DPYSL3: variants seen among roughly 807,000 people sequenced by gnomAD.
The protein encoded by DPYSL3 is dihydropyrimidinase-related protein 3.
A neutral mutation model predicts 66.1 loss-of-function variants in DPYSL3; 16 were observed. That is an observed-to-expected ratio of 0.24 (90% CI 0.16 to 0.37). The LOEUF is 0.37. Ranked by LOEUF, DPYSL3 falls within the 10% of genes least tolerant of loss-of-function variation. DPYSL3 has a pLI of 1.00. For missense variants in DPYSL3, 738 were observed against 916.2 expected (o/e 0.81, Z 2.51); for synonymous variants, 338 against 345.1 (o/e 0.98, Z 0.23).
chr5:147,440,003 T>A (rs1752502879), intron 1 of DPYSL3, among the ~76,000 whole-genome samples: 1 of 152,154 alleles, frequency 6.6e-6, no homozygotes, highest in Admixed American at 6.5e-5. Flanking sequence ...ATAGTTCCCA[T>A]ATTATAACAT....
At chr5:147,399,798 T>C (rs1430805967) in intron 10 of DPYSL3, among the ~76,000 whole-genome samples, 1 of 152,228 alleles carries the variant, frequency 6.6e-6, no homozygotes, top group Non-Finnish European at 1.5e-5. Context: ...ATATATTATC[T>C]TGGAACTATT....
At chr5:147,477,773 G>T (rs1013302504) in intron 1 of DPYSL3, among the ~76,000 whole-genome samples, 1 of 150,554 alleles carries the variant, frequency 6.6e-6, no homozygotes, top group Non-Finnish European at 1.5e-5. Flanking sequence ...TAGTAGAGAC[G>T]GGGTTTCACC....
At chr5:147,430,225 G>A (rs551586077) in intron 1 of DPYSL3, among the ~76,000 whole-genome samples, 15 of 152,152 alleles carry the variant, frequency 9.9e-5, no homozygotes, top group East Asian at 1.9e-4. Flanking sequence ...GCCAGGTGTG[G>A]CGGCTCACGC....
intron 1 of DPYSL3, among the ~76,000 whole-genome samples, chr5:147,446,234 G>C (rs1752627232): frequency 6.6e-6 from 1 of 152,182 alleles, no homozygotes; most frequent in Non-Finnish European, 1.5e-5. Flanking sequence ...TGCAGAATCT[G>C]AGAGGGATAA....
intron 1 of DPYSL3, among the ~76,000 whole-genome samples, chr5:147,497,317 G>A (rs1431498208): frequency 6.6e-6 from 1 of 151,742 alleles, no homozygotes; most frequent in Non-Finnish European, 1.5e-5. Flanking sequence ...GAGTTAATGG[G>A]TGCAGCATAC....
intron 1 of DPYSL3, among the ~76,000 whole-genome samples, chr5:147,502,607 C>T (rs1260560220): frequency 1.5e-5 from 2 of 129,734 alleles, no homozygotes; most frequent in African/African-American, 3.0e-5. Flanking sequence ...GACGGAGTCT[C>T]GCTCTGTCGC....
intron 1 of DPYSL3, among the ~76,000 whole-genome samples, chr5:147,507,158 T>C (rs1175108871): frequency 6.6e-6 from 1 of 152,180 alleles, no homozygotes; most frequent in African/African-American, 2.4e-5. Context: ...TTTATTAAGC[T>C]GCTGAGAGTT....
rs778873557 is a variant in DPYSL3 at position 147,418,443 on chromosome 5, T to G, written c.655+4A>C. The G allele has an allele frequency of 6.3e-7, 1 of 1,598,962 alleles. No individual in the cohort carries two copies. On this transcript the variant is annotated splice_donor_region_variant and intron_variant, in intron 3 of 13. Coordinates refer to ENST00000343218, the MANE Select transcript of DPYSL3 (RefSeq NM_001197294.2). Reference sequence around the variant, plus strand: ...ACAGGAGTGTGTAAAATATGAAGACTTACTGATCATGGTGGTGCCACCTGC... The same window carrying G: ...ACAGGAGTGTGTAAAATATGAAGACGTACTGATCATGGTGGTGCCACCTGC...
chr5:147,475,037 T>C (rs1383041674), intron 1 of DPYSL3, among the ~76,000 whole-genome samples: 2 of 152,040 alleles, frequency 1.3e-5, no homozygotes, highest in African/African-American at 4.8e-5. Flanking sequence ...GAAAATAACT[T>C]GGCAGTTTCC....
intron 4 of DPYSL3, among the ~76,000 whole-genome samples, chr5:147,415,043 C>A (rs1561778814): frequency 6.6e-6 from 1 of 152,034 alleles, no homozygotes; most frequent in Admixed American, 6.6e-5. Flanking sequence ...GAGGGGTTTG[C>A]AATATCTGTT....
intron 1 of DPYSL3, chr5:147,453,718 C>T (rs1182082506): frequency 3.0e-6 from 4 of 1,317,710 alleles, no homozygotes; most frequent in Non-Finnish European, 3.9e-6. Context: ...CCGCCGCCTC[C>T]GCCCGCCTCC....
At chr5:147,456,866 C>T (rs535734359) in intron 1 of DPYSL3, among the ~76,000 whole-genome samples, 1 of 152,062 alleles carries the variant, frequency 6.6e-6, no homozygotes, top group Non-Finnish European at 1.5e-5. Flanking sequence ...GCTGGGATTA[C>T]AGGCATGAAC....
chr5:147,417,248 C>T (rs1561779732), intron 3 of DPYSL3, among the ~76,000 whole-genome samples: 1 of 152,188 alleles, frequency 6.6e-6, no homozygotes, highest in African/African-American at 2.4e-5. Context: ...AAAGCCAAGC[C>T]AAGATCACTC....
chr5:147,453,729 G>GC (rs2126399852), intron 1 of DPYSL3: 3 of 1,315,070 alleles, frequency 2.3e-6, no homozygotes, highest in South Asian at 2.1e-5. Context: ...GCCCGCCTCC[G>GC]CCCCCCTCCC....
At chr5:147,451,560 T>C (rs1263008232) in intron 1 of DPYSL3, among the ~76,000 whole-genome samples, 1 of 152,276 alleles carries the variant, frequency 6.6e-6, no homozygotes. Context: ...AAATGATACC[T>C]AGAAGAATGG....
rs545929579 is a variant in DPYSL3, at chr5:147,438,354, C to A, written c.382-13391G>T. Among the ~76,000 whole-genome samples, 9 of 152,296 alleles carry A rather than the reference C, an allele frequency of 5.9e-5. No individual in the cohort carries two copies. The South Asian group carries it at 1.9e-3, about 32-fold the overall frequency. Reference sequence around the variant, plus strand: ...TCAGGCAGACCTTGAATGAAACAAACACTTGAACTAAATACAAACGAGACA... The same window carrying A: ...TCAGGCAGACCTTGAATGAAACAAAAACTTGAACTAAATACAAACGAGACA... On this transcript the variant is annotated intron_variant, in intron 1 of 13. Coordinates refer to ENST00000343218, the MANE Select transcript of DPYSL3 (RefSeq NM_001197294.2).
intron 1 of DPYSL3, among the ~76,000 whole-genome samples, chr5:147,471,638 G>C (rs544359174): frequency 1.3e-5 from 2 of 152,150 alleles, no homozygotes; most frequent in African/African-American, 4.8e-5. Flanking sequence ...TGGACATAAA[G>C]GCACTTCTCA....
chr5:147,464,042 A>G (rs996819213), intron 1 of DPYSL3, among the ~76,000 whole-genome samples: 1 of 151,580 alleles, frequency 6.6e-6, no homozygotes, highest in Non-Finnish European at 1.5e-5. Flanking sequence ...CAAATGAGAT[A>G]CAAGAAAGGC....
At chr5:147,395,867 G>T in intron 12 of DPYSL3, 146 bp from the exon 13 acceptor site, 1 of 1,029,820 alleles carries the variant, frequency 9.7e-7, no homozygotes, top group Non-Finnish European at 1.4e-6. Context: ...GGGAGAAGTA[G>T]TATAAAATAA....
Sources: allele counts gnomAD v4.1 joint callset (sites outside exome capture counted in the v4.1 genomes callset), GRCh38; gene constraint gnomAD v4.1.1; transcripts MANE v1.5; gene names NCBI Gene and HGNC (gene_info 2026-07-23, HGNC 2026-07-21).